Variants in AMN observed in about 807,000 individuals in gnomAD.
The protein encoded by AMN is protein amnionless.
A neutral mutation model predicts 49.1 loss-of-function variants in AMN; 40 were observed. That is an observed-to-expected ratio of 0.81 (90% CI 0.63 to 1.06). The LOEUF is 1.06. Ranked by LOEUF, AMN falls within the 50% of genes least tolerant of loss-of-function variation. The pLI is 0.00. For synonymous variants in AMN, 380 were observed against 313.3 expected, an observed-to-expected ratio of 1.21 and a Z score of -2.25; for missense variants, 701 against 662.8, an observed-to-expected ratio of 1.06 and a Z score of -0.63.
Position 102,923,767 on chromosome 14 carries a change from G to A in AMN, c.100G>A (p.Ala34Thr). Residue 34 changes from alanine (A) to threonine (T), a missense_variant, in exon 2 of 12, where the codon GCC becomes ACC. By Grantham distance (58) the Ala-to-Thr change is moderately conservative. Coordinates refer to ENST00000299155, the MANE Select transcript of AMN (RefSeq NM_030943.4). ...CCCCAACACGGACTTCGACGTCGCA[G>A]CCAACTGGAGCCAGAACCGGACCCC... ...WVPNTDFDVA[A>T]NWSQNRTPCA... is the part of the protein sequence containing the mutation. 6.2e-7 allele frequency: 1 copy of A among 1,612,818 alleles called. No homozygotes were observed. Among genetic ancestry groups the A allele is most frequent in the Non-Finnish European group, 8.5e-7 (1 of 1,179,890 alleles).
Position 102,930,777 on chromosome 14 carries a change from C to A in AMN, c.*97C>A. 1.5e-6 allele frequency: 2 copies of A among 1,336,150 alleles called. No homozygotes were observed. The highest frequency in any genetic ancestry group is 1.3e-5 in the South Asian group (1 of 79,356). 82.8% of individuals were successfully genotyped at this position (1,336,150 alleles called of 1,614,324 possible). Reference sequence around the variant, plus strand: ...TCCTCGTCCAGCCCCCAAACCTCCCCTTCCTTTCCCCCTCCTCCGGGGGCC... The same window carrying A: ...TCCTCGTCCAGCCCCCAAACCTCCCATTCCTTTCCCCCTCCTCCGGGGGCC... On this transcript the variant is annotated 3_prime_UTR_variant, in exon 12 of 12. Transcript: ENST00000299155.
rs34081720 is a variant in AMN, at chr14:102,930,535, G to T, written c.1258-41G>T. On this transcript the variant is annotated intron_variant, in intron 11 of 11. Transcript: ENST00000299155. Reference sequence around the variant, plus strand: ...GGGGACCGGGGCCTCCTCGGGGCCGGGACTCGGCGCCGACCGCCGCCTGAC... The same window carrying T: ...GGGGACCGGGGCCTCCTCGGGGCCGTGACTCGGCGCCGACCGCCGCCTGAC... 1.6e-5 allele frequency: 24 copies of T among 1,545,812 alleles called. No homozygotes were observed. The East Asian group carries it at 5.1e-4, about 33-fold the overall frequency.
Position 102,928,580 on chromosome 14 carries a change from C to G in AMN, c.295+67C>G, listed in dbSNP as rs913872437. ...TCAGGGGCGGGGACTGGAGGGAAGG[C>G]GCGTCGAGGGGGGCGAGGACCGGAG... On this transcript the variant is annotated intron_variant, in intron 4 of 11. Transcript: ENST00000299155. 7 of 1,535,760 alleles carry G rather than the reference C, an allele frequency of 4.6e-6. No individual in the cohort carries two copies. In the East Asian group the frequency reaches 1.7e-4, roughly 37 times the overall value.
In AMN at chr14:102,928,753, C is replaced by A. The variant is rs763397356; in HGVS notation, c.296-5C>A. 3 of 1,606,256 alleles carry A rather than the reference C, an allele frequency of 1.9e-6. No individual in the cohort carries two copies. The highest frequency in any genetic ancestry group is 1.7e-5 in the Admixed American group (1 of 59,864). ...CGTGGAGCTCAGGGATGTGCTCCGG[C>A]TCAGGCGAACCTGCCGTCTTCCGCG... On this transcript the variant is annotated splice_polypyrimidine_tract_variant and splice_region_variant and intron_variant, in intron 4 of 11. Coordinates refer to ENST00000299155, the MANE Select transcript of AMN (RefSeq NM_030943.4).
rs1261526208 is a variant in AMN, at chr14:102,928,394, C to T, written c.208-32C>T. The T allele has an allele frequency of 5.1e-6, 8 of 1,554,382 alleles. No individual in the cohort carries two copies. The Admixed American group carries it at 1.5e-4, about 30-fold the overall frequency. On this transcript the variant is annotated intron_variant, in intron 3 of 11. Coordinates refer to ENST00000299155, the MANE Select transcript of AMN (RefSeq NM_030943.4). ...GGCGCGGAGCAGGCCCGGACCCCCG[C>T]GTGGCGCCGCCTCAGCCCGTGTCTC...
Position 102,923,784 on chromosome 14 carries a change from C to T in AMN, c.117C>T (p.Asn39=), listed in dbSNP as rs777192314. ...DFDVAANWSQ[N]RTPCAGGAVE... ...ACGTCGCAGCCAACTGGAGCCAGAA[C>T]CGGACCCCGTGCGCCGGCGGCGCCG... is the stretch of plus-strand genomic sequence containing the variant. Residue 39 remains asparagine (N), a synonymous_variant, in exon 2 of 12, where the codon AAC becomes AAT. Transcript: ENST00000299155. The T allele has an allele frequency of 9.3e-6, 15 of 1,612,782 alleles. No homozygotes were observed. The highest frequency in any genetic ancestry group is 7.6e-6 in the Non-Finnish European group (9 of 1,179,870).
At position 102,928,929 on chromosome 14, in the gene AMN, C is replaced by T. The variant is rs1356954300; in HGVS notation, c.467C>T (p.Pro156Leu). The T allele has an allele frequency of 3.1e-6, 5 of 1,601,114 alleles. No homozygotes were observed. Among genetic ancestry groups the T allele is most frequent in the Non-Finnish European group, 4.2e-6 (5 of 1,179,780 alleles). Residue 156 changes from proline (P) to leucine (L), a missense_variant, in exon 5 of 12, where the codon CCT becomes CTT. Physicochemically the swap from Pro to Leu is moderately conservative, Grantham distance 98. Transcript: ENST00000299155. ...PSASFRVGLG[P>L]GASPVRVRSI... is the part of the protein sequence containing the mutation. ...GCCTCCTTCCGCGTGGGGCTCGGCC[C>T]TGGCGCTAGCCCCGTGCGTGTCCGC... is the stretch of plus-strand genomic sequence containing the variant.
chr14:102,924,277 C>T (rs1891138769), intron 3 of AMN, among the ~76,000 whole-genome samples: 1 of 152,148 alleles, frequency 6.6e-6, no homozygotes, highest in African/African-American at 2.4e-5. Flanking sequence ...CCATGCCCTT[C>T]CCCCAAAGCC....
At position 102,929,378 on chromosome 14, in the gene AMN, C is replaced by T. The variant is rs572852233; in HGVS notation, c.652-50C>T. ...TGCTTCTCGGAGGCATCGCCCTTCT[C>T]GCTGCGGTCCGCTCTGGCCCTCCGC... On this transcript the variant is annotated intron_variant, in intron 6 of 11. Coordinates refer to ENST00000299155, the MANE Select transcript of AMN (RefSeq NM_030943.4). 356 of 1,517,832 alleles carry T rather than the reference C, an allele frequency of 2.3e-4. 2 individuals are homozygous for T. The South Asian group carries it at 3.9e-3, about 17-fold the overall frequency. 94.0% of individuals were successfully genotyped at this position (1,517,832 alleles called of 1,614,324 possible).
rs1034496756 is a variant in AMN, at chr14:102,930,229, CGCGGCTGGGCTGGCGGGCGGCGTG to C, written c.1079_1102del (p.Gly360_Ala367del). On this transcript the variant is annotated inframe_deletion, in exon 10 of 12. Coordinates refer to ENST00000299155, the MANE Select transcript of AMN (RefSeq NM_030943.4). ...CGGGCGCACACGTCTGGGGCAGCTC[CGCGGCTGGGCTGGCGGGCGGCGTG>C]GCGGCTGCCGTGCTGCTGGCGCTGC... The C allele has an allele frequency of 1.8e-5, 25 of 1,397,838 alleles. No homozygotes were observed. The African/African-American group carries it at 3.5e-4, about 19-fold the overall frequency. The allele number at this position is 1,397,838 out of a possible 1,614,324, so 86.6% of individuals were successfully genotyped here.
In AMN at chr14:102,923,834, C is replaced by G. The variant is rs764759870; in HGVS notation, c.162+5C>G. 3 of 1,612,532 alleles carry G rather than the reference C, an allele frequency of 1.9e-6. No individual in the cohort carries two copies. The highest frequency in any genetic ancestry group is 2.5e-6 in the Non-Finnish European group (3 of 1,179,780). Reference sequence around the variant, plus strand: ...GTTGAGTTCCCGGCGGACAAGGTGCCTGGGAGCGCCGGCGGGGTCGGTGAT... The same window carrying G: ...GTTGAGTTCCCGGCGGACAAGGTGCGTGGGAGCGCCGGCGGGGTCGGTGAT... On this transcript the variant is annotated splice_donor_5th_base_variant and intron_variant, in intron 2 of 11. Transcript: ENST00000299155.
In AMN at chr14:102,929,507, G is replaced by C; in HGVS notation, c.731G>C (p.Arg244Pro). 3 of 1,534,196 alleles carry C rather than the reference G, an allele frequency of 2.0e-6. No homozygotes were observed. The highest frequency in any genetic ancestry group is 2.4e-5 in the South Asian group (2 of 83,914). ...CPQAACHSAL[R>P]PQGQCCDLCG... is the part of the protein sequence containing the mutation. ...CAGGCCGCCTGCCACAGCGCCCTCC[G>C]GCCCCAGGGGCAGTGCTGTGACCTC... Residue 244 changes from arginine (R) to proline (P), a missense_variant, in exon 7 of 12, where the codon CGG (arginine) becomes CCG (proline). Physicochemically the swap from Arg to Pro is moderately radical, Grantham distance 103. Transcript: ENST00000299155.
intron 3 of AMN, among the ~76,000 whole-genome samples, chr14:102,924,590 T>C (rs1813615251): frequency 6.6e-6 from 1 of 152,210 alleles, no homozygotes; most frequent in Non-Finnish European, 1.5e-5. Flanking sequence ...ATGGAAGAAC[T>C]GTCTTCCACA....
intron 1 of AMN, 138 bp from the exon 2 acceptor site, chr14:102,923,573 T>C (rs1308951348): frequency 3.6e-6 from 3 of 829,354 alleles, no homozygotes; most frequent in Non-Finnish European, 6.2e-6. Context: ...AGGGTCTGGG[T>C]CCGGGCCCCC....
In AMN at chr14:102,930,224, A is replaced by T; in HGVS notation, c.1066A>T (p.Ser356Cys). ...MRESGAHVWG[S>C]SAAGLAGGVA... Reference sequence around the variant, plus strand: ...GGAGTCGGGCGCACACGTCTGGGGCAGCTCCGCGGCTGGGCTGGCGGGCGG... The same window carrying T: ...GGAGTCGGGCGCACACGTCTGGGGCTGCTCCGCGGCTGGGCTGGCGGGCGG... Residue 356 changes from serine to cysteine, a missense_variant, in exon 10 of 12, where the codon AGC (serine) becomes TGC (cysteine). Coordinates refer to ENST00000299155, the MANE Select transcript of AMN (RefSeq NM_030943.4). 1 of 1,407,680 alleles carries T rather than the reference A, an allele frequency of 7.1e-7. No homozygotes were observed. The allele number at this position is 1,407,680 out of a possible 1,614,324, so 87.2% of individuals were successfully genotyped here.
chr14:102,923,363 C>T (rs566521762), intron 1 of AMN: 11 of 378,792 alleles, frequency 2.9e-5, no homozygotes, highest in South Asian at 2.2e-4. Flanking sequence ...CTGTGCTGCC[C>T]CATCCTCCTC....
intron 6 of AMN, 51 bp from the exon 7 acceptor site, chr14:102,929,377 T>G (rs1891275501): frequency 6.6e-7 from 1 of 1,517,888 alleles, no homozygotes; most frequent in South Asian, 1.2e-5. Context: ...ATCGCCCTTC[T>G]CGCTGCGGTC....
intron 1 of AMN, chr14:102,922,969 C>T (rs1891094065): frequency 3.7e-6 from 2 of 537,774 alleles, no homozygotes; most frequent in Non-Finnish European, 6.3e-6. Flanking sequence ...CCGGGAACCT[C>T]GGCCAGCCCC....
rs555727641 is a variant in AMN, at chr14:102,929,133, G to A, written c.526G>A (p.Asp176Asn). Residue 176 changes from aspartate (D) to asparagine (N), a missense_variant, in exon 6 of 12, where the codon GAC becomes AAC. By Grantham distance (23) the Asp-to-Asn change is conservative. Transcript: ENST00000299155. ...ISALGRTFTRDEDLAVFLASR... is the reference protein window; with the variant it reads ...ISALGRTFTRNEDLAVFLASR... ...CGGCTGCCCGCAGACGTTCACGCGC[G>A]ACGAGGACCTGGCTGTTTTCCTGGC... The A allele has an allele frequency of 6.9e-6, 11 of 1,597,494 alleles. No homozygotes were observed. The African/African-American group carries it at 1.2e-4, about 17-fold the overall frequency.
Sources: gnomAD v4.1 joint callset for allele counts (sites outside exome capture counted in the v4.1 genomes callset) on GRCh38, gnomAD v4.1.1 for gene constraint, MANE v1.5 for transcripts, NCBI Gene and HGNC (gene_info 2026-07-23, HGNC 2026-07-21) for gene names.